BTG4: variants seen among roughly 807,000 people sequenced by gnomAD.
BTG4 encodes the protein BTG anti-proliferation factor 4, also known as protein BTG4.
Under a neutral mutation model 19.3 loss-of-function variants are expected in BTG4, and 10 were observed. The ratio of observed to expected loss-of-function variants is 0.52; its 90% CI spans 0.32 to 0.88. The LOEUF (loss-of-function observed/expected upper bound fraction) is 0.88, where lower values mean the gene tolerates loss of function less well. Among genes scored for constraint, BTG4 ranks in the 40% least tolerant of loss-of-function variants. BTG4 has a pLI of 0.04. For missense variants in BTG4, 238 were observed against 281.9 expected, an observed-to-expected ratio of 0.84 and a Z score of 1.11; for synonymous variants, 91 against 95.7, an observed-to-expected ratio of 0.95 and a Z score of 0.29.
intron 1 of BTG4, among the ~76,000 whole-genome samples, chr11:111,506,090 G>C (rs936064445): frequency 1.3e-5 from 2 of 152,042 alleles, no homozygotes; most frequent in African/African-American, 4.8e-5. Flanking sequence ...ACTAAAAATA[G>C]AACTATCATT....
upstream of BTG4, chr11:111,512,390 C>CCCCCATCCCCT (rs1867013540): frequency 3.4e-5 from 5 of 149,248 alleles, no homozygotes; most frequent in African/African-American, 9.8e-5. Flanking sequence ...CCTCCTCCCC[C>CCCCCATCCCCT]CCCCCATCCC....
At chr11:111,460,837 A>G in the BTG4 span, among the ~76,000 whole-genome samples, 1 of 152,216 alleles carries the variant, frequency 6.6e-6, no homozygotes, top group Admixed American at 6.5e-5. Flanking sequence ...AAGTATGTCA[A>G]TGAAGAAGCA....
the BTG4 span, chr11:111,385,627 A>G: frequency 6.6e-6 from 1 of 152,094 alleles, no homozygotes; most frequent in Admixed American, 6.5e-5. Context: ...AGGATGGTTT[A>G]TTCTTAGAAA....
At chr11:111,454,001 T>C in the BTG4 span, among the ~76,000 whole-genome samples, 129 of 152,338 alleles carry the variant, frequency 8.5e-4, no homozygotes, top group African/African-American at 3.0e-3. Context: ...TTAATGTAGA[T>C]ATGAATTTCC....
At chr11:111,461,566 T>C in the BTG4 span, among the ~76,000 whole-genome samples, 54 of 152,268 alleles carry the variant, frequency 3.5e-4, no homozygotes, top group South Asian at 8.3e-4. Flanking sequence ...ACAAAAATAT[T>C]AGCCGGGTGT....
At chr11:111,464,658 A>G (rs1281800243), downstream of BTG4, 2 of 152,240 alleles carry the variant, frequency 1.3e-5, no homozygotes, top group African/African-American at 4.8e-5. Context: ...TTGCAAAAAT[A>G]AGTGTATCAC....
At chr11:111,420,812 C>G in the BTG4 span, among the ~76,000 whole-genome samples, 2 of 152,092 alleles carry the variant, frequency 1.3e-5, no homozygotes, top group Non-Finnish European at 2.9e-5. Flanking sequence ...AACTAACAGG[C>G]CTTACCCTCA....
downstream of BTG4, among the ~76,000 whole-genome samples, chr11:111,494,092 G>A (rs982521874): frequency 1.3e-5 from 2 of 152,152 alleles, no homozygotes; most frequent in African/African-American, 4.8e-5. Flanking sequence ...CAAGATGTAG[G>A]GAGAAGATAC....
At chr11:111,414,596 A>G in the BTG4 span, 3 of 152,252 alleles carry the variant, frequency 2.0e-5, no homozygotes, top group East Asian at 5.8e-4. Context: ...TAAGATCTGG[A>G]CAGGCTTATG....
chr11:111,422,100 A>G, the BTG4 span, among the ~76,000 whole-genome samples: 4 of 152,194 alleles, frequency 2.6e-5, no homozygotes, highest in Non-Finnish European at 5.9e-5. Flanking sequence ...TATCATTCCA[A>G]TAGGATTCTC....
At position 111,497,234 on chromosome 11, in the gene BTG4, T is replaced by C. The variant is rs1441780349; in HGVS notation, c.487A>G (p.Ser163Gly). The C allele has an allele frequency of 1.2e-6, 2 of 1,613,408 alleles. No individual in the cohort carries two copies. Among genetic ancestry groups the C allele is most frequent in the Non-Finnish European group, 8.5e-7 (1 of 1,179,666 alleles). Residue 163 changes from serine (S) to glycine (G), a missense_variant, in exon 4 of 5, where the codon AGC (serine) becomes GGC (glycine). Physicochemically the swap from Ser to Gly is moderately conservative, Grantham distance 56. Coordinates refer to ENST00000692032, the MANE Select transcript of BTG4 (RefSeq NM_001367975.1). ...SKEPRVIPKV[S>G]NPKSIYQVEN... ...ACCTGATAAATACTCTTCGGATTGC[T>C]GACTTTAGGAATGACACGAGGTTCC...
At chr11:111,423,516 T>C in the BTG4 span, among the ~76,000 whole-genome samples, 23 of 152,162 alleles carry the variant, frequency 1.5e-4, no homozygotes, top group African/African-American at 5.3e-4. Context: ...TAAGCATTCC[T>C]ACTAACTACC....
the BTG4 span, among the ~76,000 whole-genome samples, chr11:111,389,632 T>C: frequency 6.6e-6 from 1 of 152,266 alleles, no homozygotes; most frequent in Non-Finnish European, 1.5e-5. Context: ...ATTACTACTT[T>C]TTCATTAATA....
At chr11:111,497,069 C>T in intron 4 of BTG4, 142 bp downstream of exon 4, 1 of 784,730 alleles carries the variant, frequency 1.3e-6, no homozygotes. Context: ...AAAAGTTTTG[C>T]CAAAATATTA....
downstream of BTG4, among the ~76,000 whole-genome samples, chr11:111,490,594 A>G (rs1282143847): frequency 6.6e-6 from 1 of 152,236 alleles, no homozygotes; most frequent in Non-Finnish European, 1.5e-5. Flanking sequence ...ACTCAATTAG[A>G]AAATGGCCAG....
In BTG4 at chr11:111,480,489, C is replaced by T. The variant is rs567691667; in HGVS notation, c.663-12808G>A. ...AATTAACATTTATGGGACATTCCCC[C>T]CAACAACAACAGGATGTACATTCTT... On this transcript the variant is annotated intron_variant, in intron 5 of 5. Transcript: ENST00000356018. Among the ~76,000 whole-genome samples, 23 of 152,094 alleles carry T rather than the reference C, an allele frequency of 1.5e-4. No homozygotes were observed. In the East Asian group the frequency reaches 4.4e-3, roughly 29 times the overall value.
At chr11:111,415,254 C>T in the BTG4 span, among the ~76,000 whole-genome samples, 4 of 152,276 alleles carry the variant, frequency 2.6e-5, no homozygotes, top group South Asian at 4.1e-4. Context: ...CCCAAAAGGA[C>T]GGAAACCTAA....
the BTG4 span, among the ~76,000 whole-genome samples, chr11:111,437,039 G>A: frequency 6.6e-6 from 1 of 152,154 alleles, no homozygotes; most frequent in Non-Finnish European, 1.5e-5. Flanking sequence ...TCCAACCCAA[G>A]TCGCAGACAA....
intron 5 of BTG4, among the ~76,000 whole-genome samples, chr11:111,477,869 G>A (rs927144093): frequency 1.3e-5 from 2 of 151,998 alleles, no homozygotes; most frequent in African/African-American, 4.8e-5. Context: ...GAAAAAACTG[G>A]CCCTACCCAC....
Sources: allele counts gnomAD v4.1 joint callset (sites outside exome capture counted in the v4.1 genomes callset), GRCh38; gene constraint gnomAD v4.1.1; transcripts MANE v1.5; gene names NCBI Gene and HGNC (gene_info 2026-07-23, HGNC 2026-07-21).